DMD: variants seen among roughly 807,000 people sequenced by gnomAD.
DMD encodes the protein dystrophin.
DMD carries 63 observed loss-of-function variants against 330.1 expected under a neutral mutation model. That is an observed-to-expected ratio of 0.19 (90% confidence interval 0.16 to 0.24). The LOEUF is 0.24. Ranked by LOEUF, DMD falls within the 10% of genes least tolerant of loss-of-function variation. DMD has a pLI of 1.00. For synonymous variants in DMD, 1,223 were observed against 959.8 expected, an observed-to-expected ratio of 1.27 and a Z score of -5.07; for missense variants, 3,344 against 2,684.1, an observed-to-expected ratio of 1.25 and a Z score of -5.43.
intron 45 of DMD, among the ~76,000 whole-genome samples, chrX:31,951,128 T>TATAC (rs1324927131): frequency 7.5e-5 from 6 of 79,629 alleles, no homozygotes; most frequent in African/African-American, 2.7e-4. Context: ...TATACATATA[T>TATAC]ATATATATAT....
chrX:32,369,331 G>C (rs1170197166), intron 34 of DMD, among the ~76,000 whole-genome samples: 2 of 111,101 alleles, frequency 1.8e-5, no homozygotes, highest in African/African-American at 6.5e-5. Context: ...GCCCCATGTT[G>C]ATGGGAAGGA....
chrX:32,252,145 C>G (rs2097265935), intron 43 of DMD, among the ~76,000 whole-genome samples: 1 of 111,583 alleles, frequency 9.0e-6, no homozygotes, highest in African/African-American at 3.3e-5. Context: ...CCCTCTCTCA[C>G]CATACCCCAT....
chrX:32,998,734 T>G (rs765348867), intron 2 of DMD, among the ~76,000 whole-genome samples: 1 of 111,756 alleles, frequency 8.9e-6, no homozygotes, highest in East Asian at 2.8e-4. Context: ...TTGAGATGCT[T>G]GAACAAATTG....
chrX:32,586,395 A>T lies in DMD; in HGVS notation c.1602+9362T>A, dbSNP rs1046921892. ...TAGAACAGTGTTGTTCTAGAAGAGAAAAATATTTATGTACTAATGCAATTG... is the reference window on the plus strand; with the variant it reads ...TAGAACAGTGTTGTTCTAGAAGAGATAAATATTTATGTACTAATGCAATTG... On this transcript the variant is annotated intron_variant, in intron 13 of 78. Transcript: ENST00000357033. Among the ~76,000 whole-genome samples, 5 of 109,044 alleles carry T rather than the reference A, an allele frequency of 4.6e-5. No individual in the cohort carries two copies. The East Asian group carries it at 1.4e-3, about 31-fold the overall frequency. 94.7% of individuals were successfully genotyped at this position (109,044 alleles called of 115,157 possible).
intron 7 of DMD, among the ~76,000 whole-genome samples, chrX:32,725,784 G>A (rs1173112041): frequency 2.7e-5 from 3 of 110,866 alleles, no homozygotes; most frequent in African/African-American, 3.3e-5. Flanking sequence ...GCACAGCAAG[G>A]TGACTATACT....
At chrX:31,759,224 A>T (rs2089373173) in intron 51 of DMD, among the ~76,000 whole-genome samples, 1 of 109,417 alleles carries the variant, frequency 9.1e-6, no homozygotes, top group Non-Finnish European at 1.9e-5. Context: ...GTTCTTTACC[A>T]TGATACCCAA....
At chrX:32,661,966 G>A in intron 9 of DMD, among the ~76,000 whole-genome samples, 1 of 111,153 alleles carries the variant, frequency 9.0e-6, no homozygotes, top group Non-Finnish European at 1.9e-5. Context: ...CACACCCATT[G>A]GTACATTTCA....
At chrX:31,466,960 CTCTT>C (rs1011412586) in intron 59 of DMD, among the ~76,000 whole-genome samples, 1 of 111,618 alleles carries the variant, frequency 9.0e-6, no homozygotes, top group African/African-American at 3.3e-5. Context: ...ATTTGGCACT[CTCTT>C]TGTCTATTAT....
intron 4 of DMD, among the ~76,000 whole-genome samples, chrX:32,837,573 T>C (rs760044920): frequency 1.8e-5 from 2 of 111,769 alleles, no homozygotes; most frequent in African/African-American, 3.3e-5. Context: ...TTCTTCACCA[T>C]AGTTTCTTCC....
chrX:33,329,529 A>T (rs139339920), intron 1 of DMD, among the ~76,000 whole-genome samples: 1 of 112,255 alleles, frequency 8.9e-6, no homozygotes, highest in African/African-American at 3.2e-5. Flanking sequence ...AGTAGATGGA[A>T]TAAGTAAATT....
At chrX:33,067,162 C>T (rs978672462) in intron 1 of DMD, among the ~76,000 whole-genome samples, 6 of 111,703 alleles carry the variant, frequency 5.4e-5, no homozygotes, top group Admixed American at 9.5e-5. Context: ...AACACGTATA[C>T]CTACTCGATC....
chrX:32,540,142 G>T (rs2048357489), intron 17 of DMD, among the ~76,000 whole-genome samples: 1 of 111,011 alleles, frequency 9.0e-6, no homozygotes, highest in Non-Finnish European at 1.9e-5. Flanking sequence ...TAATCTCCTG[G>T]ATAAATACCA....
At chrX:32,831,281 T>A (rs1437229024) in intron 4 of DMD, among the ~76,000 whole-genome samples, 1 of 110,855 alleles carries the variant, frequency 9.0e-6, no homozygotes, top group Non-Finnish European at 1.9e-5. Context: ...AAGCTAAGAT[T>A]AGATATCCCA....
At chrX:31,732,498 T>C (rs1303343553) in intron 51 of DMD, among the ~76,000 whole-genome samples, 1 of 111,765 alleles carries the variant, frequency 8.9e-6, no homozygotes, top group African/African-American at 3.2e-5. Context: ...AGAGTAACGA[T>C]TATTTTTCAT....
At chrX:32,397,261 C>T (rs1445965315) in intron 30 of DMD, among the ~76,000 whole-genome samples, 1 of 111,198 alleles carries the variant, frequency 9.0e-6, no homozygotes, top group Non-Finnish European at 1.9e-5. Context: ...GGATAGTAAG[C>T]ATTTGAAGAA....
intron 45 of DMD, among the ~76,000 whole-genome samples, chrX:31,948,539 C>T (rs2095118794): frequency 9.0e-6 from 1 of 110,711 alleles, no homozygotes; most frequent in Admixed American, 9.6e-5. Context: ...TTTCTTATCT[C>T]TTGTTTTTGG....
At chrX:32,459,899 T>C (rs755157160) in intron 25 of DMD, among the ~76,000 whole-genome samples, 2 of 111,299 alleles carry the variant, frequency 1.8e-5, no homozygotes, top group Non-Finnish European at 3.8e-5. Context: ...GATGAGTAGT[T>C]TGCAAATATT....
intron 60 of DMD, among the ~76,000 whole-genome samples, chrX:31,435,075 C>G (rs1408866044): frequency 2.7e-5 from 3 of 111,459 alleles, no homozygotes; most frequent in Non-Finnish European, 5.6e-5. Flanking sequence ...TCTCACTTAC[C>G]TGATATATGA....
chrX:32,421,679 T>C (rs865957610), intron 29 of DMD, among the ~76,000 whole-genome samples: 2 of 111,902 alleles, frequency 1.8e-5, no homozygotes, highest in African/African-American at 6.5e-5. Flanking sequence ...CTCTTCTCTA[T>C]GTCCTCACCC....
Sources: allele counts gnomAD v4.1 joint callset (sites outside exome capture counted in the v4.1 genomes callset), GRCh38; gene constraint gnomAD v4.1.1; transcripts MANE v1.5; gene names NCBI Gene and HGNC (gene_info 2026-07-23, HGNC 2026-07-21).